IMMP2L: variants seen among roughly 807,000 people sequenced by gnomAD.
The protein encoded by IMMP2L is inner mitochondrial membrane peptidase subunit 2.
IMMP2L carries 18 observed loss-of-function variants against 19.3 expected under a neutral mutation model. The ratio of observed to expected loss-of-function variants is 0.93; its 90% CI spans 0.64 to 1.38. The LOEUF (loss-of-function observed/expected upper bound fraction) is 1.38, where lower values mean the gene tolerates loss of function less well. Among genes scored for constraint, IMMP2L ranks in the 40% most tolerant of loss-of-function variants. The pLI, the probability that IMMP2L is intolerant of heterozygous loss-of-function variation, is 0.00. For synonymous variants in IMMP2L, 76 were observed against 73.0 expected, an observed-to-expected ratio of 1.04 and a Z score of -0.21; for missense variants, 233 against 218.2, an observed-to-expected ratio of 1.07 and a Z score of -0.43.
At chr7:111,277,037 T>TC (rs1197873748) in intron 3 of IMMP2L, among the ~76,000 whole-genome samples, 1 of 152,070 alleles carries the variant, frequency 6.6e-6, no homozygotes, top group East Asian at 1.9e-4. Flanking sequence ...GAAAAACTCT[T>TC]CCGGACATTG....
intron 3 of IMMP2L, among the ~76,000 whole-genome samples, chr7:111,131,509 G>T (rs1281858323): frequency 6.6e-6 from 1 of 151,998 alleles, no homozygotes; most frequent in Non-Finnish European, 1.5e-5. Context: ...TTGTGAATAT[G>T]TGCCAGATTA....
intron 4 of IMMP2L, among the ~76,000 whole-genome samples, chr7:110,911,577 T>C (rs1415399741): frequency 3.3e-5 from 5 of 152,056 alleles, no homozygotes; most frequent in Non-Finnish European, 7.4e-5. Context: ...CTCCTAATAA[T>C]CCAAGTTGGC....
intron 3 of IMMP2L, among the ~76,000 whole-genome samples, chr7:111,363,665 C>A (rs1453173176): frequency 6.6e-6 from 1 of 152,052 alleles, no homozygotes; most frequent in Admixed American, 6.6e-5. Context: ...ATCCTCTGCA[C>A]AGCTGCAAGA....
chr7:111,451,037 G>A (rs112337409), intron 3 of IMMP2L, among the ~76,000 whole-genome samples: 23,837 of 136,722 alleles, frequency 0.17, 3,293 homozygotes, highest in African/African-American at 0.39. Flanking sequence ...TTAGAATGGC[G>A]ATCATTAAAA....
At chr7:110,893,509 C>T (rs1563060268) in intron 4 of IMMP2L, among the ~76,000 whole-genome samples, 1 of 152,038 alleles carries the variant, frequency 6.6e-6, no homozygotes, top group Admixed American at 6.6e-5. Context: ...ATGAATGTAC[C>T]AGAATTTGTC....
intron 3 of IMMP2L, among the ~76,000 whole-genome samples, chr7:111,093,879 G>T (rs13229845): frequency 6.6e-6 from 1 of 152,034 alleles, no homozygotes; most frequent in Non-Finnish European, 1.5e-5. Flanking sequence ...ATTTTTTTCA[G>T]GGTGTCGCTT....
intron 5 of IMMP2L, among the ~76,000 whole-genome samples, chr7:110,828,271 G>A (rs752878059): frequency 1.4e-4 from 21 of 152,094 alleles, no homozygotes; most frequent in Non-Finnish European, 2.9e-4. Flanking sequence ...GCCCAGATAC[G>A]GCCCACGGGC....
intron 3 of IMMP2L, among the ~76,000 whole-genome samples, chr7:110,967,632 C>A (rs1317751040): frequency 6.6e-6 from 1 of 151,946 alleles, no homozygotes; most frequent in African/African-American, 2.4e-5. Context: ...ATTTACATTG[C>A]ATATATCCCA....
chr7:111,290,557 G>C (rs1213993801), intron 3 of IMMP2L, among the ~76,000 whole-genome samples: 1 of 151,792 alleles, frequency 6.6e-6, no homozygotes, highest in African/African-American at 2.4e-5. Flanking sequence ...TTATGTCAGA[G>C]GTCAGCAACC....
At chr7:110,859,228 G>A (rs1807127288) in intron 5 of IMMP2L, among the ~76,000 whole-genome samples, 1 of 152,028 alleles carries the variant, frequency 6.6e-6, no homozygotes, top group African/African-American at 2.4e-5. Flanking sequence ...TGAAGCTTTT[G>A]ACTCAGAGAT....
intron 1 of IMMP2L, among the ~76,000 whole-genome samples, chr7:111,531,926 C>T (rs544156612): frequency 6.6e-6 from 1 of 151,872 alleles, no homozygotes; most frequent in East Asian, 1.9e-4. Context: ...GAAGAAAATA[C>T]TGCATTATTT....
intron 3 of IMMP2L, among the ~76,000 whole-genome samples, chr7:111,214,400 T>C (rs1811686263): frequency 7.5e-6 from 1 of 132,868 alleles, no homozygotes; most frequent in Non-Finnish European, 1.6e-5. Flanking sequence ...TGGAGTGCAG[T>C]GGCATGATCT....
intron 3 of IMMP2L, among the ~76,000 whole-genome samples, chr7:111,031,515 T>C (rs1452597462): frequency 1.3e-5 from 2 of 151,958 alleles, no homozygotes; most frequent in African/African-American, 2.4e-5. Context: ...ACCAAAATTT[T>C]AAAAACATAT....
intron 3 of IMMP2L, chr7:111,124,277 T>C: frequency 1.2e-6 from 2 of 1,614,018 alleles, no homozygotes; most frequent in Non-Finnish European, 8.5e-7. Context: ...ACTAACCTAG[T>C]TGGCGCTGAC....
At chr7:111,493,217 G>A (rs1046148714) in intron 2 of IMMP2L, among the ~76,000 whole-genome samples, 1 of 151,742 alleles carries the variant, frequency 6.6e-6, no homozygotes, top group Non-Finnish European at 1.5e-5. Context: ...AGTTGAATAG[G>A]GCTTTGTTAT....
At chr7:111,140,057 A>C (rs1246657346) in intron 3 of IMMP2L, among the ~76,000 whole-genome samples, 1 of 152,194 alleles carries the variant, frequency 6.6e-6, no homozygotes, top group Non-Finnish European at 1.5e-5. Context: ...AGATCAGAAA[A>C]GAAAGAAGAG....
intron 5 of IMMP2L, among the ~76,000 whole-genome samples, chr7:110,878,192 A>G (rs1809267300): frequency 6.6e-6 from 1 of 152,050 alleles, no homozygotes; most frequent in Non-Finnish European, 1.5e-5. Context: ...CACAATATTC[A>G]CCACAGTTGT....
intron 3 of IMMP2L, among the ~76,000 whole-genome samples, chr7:111,437,279 C>G (rs1837273278): frequency 6.6e-6 from 1 of 151,702 alleles, no homozygotes; most frequent in South Asian, 2.1e-4. Context: ...AACCCCATCT[C>G]TACTAAAAAT....
intron 1 of IMMP2L, among the ~76,000 whole-genome samples, chr7:111,554,551 C>A (rs1160605625): frequency 6.6e-6 from 1 of 152,028 alleles, no homozygotes; most frequent in Non-Finnish European, 1.5e-5. Flanking sequence ...CCATTTTTTG[C>A]ATCTATCTTA....
Sources: allele counts gnomAD v4.1 joint callset (sites outside exome capture counted in the v4.1 genomes callset), GRCh38; gene constraint gnomAD v4.1.1; transcripts MANE v1.5; gene names NCBI Gene and HGNC (gene_info 2026-07-23, HGNC 2026-07-21).